The following CCDC178 variants were observed in gnomAD, a reference collection of about 807,000 sequenced individuals.
CCDC178 encodes the protein coiled-coil domain-containing protein 178.
A neutral mutation model predicts 117.4 loss-of-function variants in CCDC178; 126 were observed. The observed-to-expected ratio is 1.07, with a 90% CI of 0.93 to 1.24. The LOEUF is 1.24. Ranked by LOEUF, CCDC178 falls within the 50% of genes most tolerant of loss-of-function variation. The pLI, the probability that CCDC178 is intolerant of heterozygous loss-of-function variation, is 0.00. For missense variants in CCDC178, 1,030 were observed against 986.9 expected, an observed-to-expected ratio of 1.04 and a Z score of -0.59; for synonymous variants, 283 against 313.4, an observed-to-expected ratio of 0.90 and a Z score of 1.02.
At chr18:33,376,358 G>T (rs1328553281) in intron 5 of CCDC178, among the ~76,000 whole-genome samples, 3 of 152,136 alleles carry the variant, frequency 2.0e-5, no homozygotes, top group Non-Finnish European at 2.9e-5. Context: ...GTAACAAAAT[G>T]ATAAGAAAGT....
chr18:32,944,073 T>A (rs938905578), intron 22 of CCDC178, among the ~76,000 whole-genome samples: 1 of 152,162 alleles, frequency 6.6e-6, no homozygotes, highest in Non-Finnish European at 1.5e-5. Context: ...ACACATTTTT[T>A]TTTTCAGGGA....
At chr18:33,234,338 G>A (rs1339970485) in intron 15 of CCDC178, among the ~76,000 whole-genome samples, 11 of 152,042 alleles carry the variant, frequency 7.2e-5, no homozygotes, top group African/African-American at 1.2e-4. Flanking sequence ...ATGATTAATA[G>A]CAGATTCCTT....
At chr18:33,219,328 G>A (rs2059204002) in intron 18 of CCDC178, among the ~76,000 whole-genome samples, 1 of 152,042 alleles carries the variant, frequency 6.6e-6, no homozygotes, top group Admixed American at 6.6e-5. Context: ...ACTGTTGGTG[G>A]GACTGTAAAC....
intron 21 of CCDC178, among the ~76,000 whole-genome samples, chr18:33,089,164 C>T (rs948107926): frequency 1.3e-5 from 2 of 152,010 alleles, no homozygotes; most frequent in East Asian, 1.9e-4. Flanking sequence ...TAATCTATTT[C>T]AGTTGAGCAC....
At chr18:33,328,334 C>T (rs8087723) in intron 10 of CCDC178, among the ~76,000 whole-genome samples, 52,540 of 151,774 alleles carry the variant, frequency 0.35, 10,943 homozygotes, top group African/African-American at 0.57. Flanking sequence ...ATCTCTTGAC[C>T]TCGTGATCCG....
intron 21 of CCDC178, among the ~76,000 whole-genome samples, chr18:33,030,522 A>AAGATAGACAGATAGATAGATACATAGAT (rs377429836): frequency 1.5e-3 from 210 of 140,876 alleles, no homozygotes; most frequent in Non-Finnish European, 1.9e-3. Context: ...GAACTGATAG[A>AAGATAGACAGATAGATAGATACATAGAT]AGATAGATAG....
chr18:33,313,434 G>C (rs1020140782), intron 11 of CCDC178, among the ~76,000 whole-genome samples: 1 of 152,072 alleles, frequency 6.6e-6, no homozygotes, highest in African/African-American at 2.4e-5. Context: ...TTTTATCCCA[G>C]TTTTCTCTCA....
intron 16 of CCDC178, among the ~76,000 whole-genome samples, chr18:33,225,645 T>C (rs1381452025): frequency 6.6e-6 from 1 of 152,192 alleles, no homozygotes; most frequent in Non-Finnish European, 1.5e-5. Context: ...TCGTGGAATA[T>C]ATGCAAGTAC....
At chr18:33,128,419 A>T (rs1330444153) in intron 20 of CCDC178, among the ~76,000 whole-genome samples, 1 of 152,198 alleles carries the variant, frequency 6.6e-6, no homozygotes, top group African/African-American at 2.4e-5. Context: ...GAAACCTGGA[A>T]GAGTTTTATC....
intron 11 of CCDC178, among the ~76,000 whole-genome samples, chr18:33,297,188 G>T (rs1042201240): frequency 8.6e-5 from 13 of 151,914 alleles, no homozygotes; most frequent in Admixed American, 7.9e-4. Flanking sequence ...CACATAAAAA[G>T]AAGTATTAAG....
chr18:33,122,416 G>A (rs936284496), intron 20 of CCDC178, among the ~76,000 whole-genome samples: 1 of 152,024 alleles, frequency 6.6e-6, no homozygotes, highest in Non-Finnish European at 1.5e-5. Context: ...GAAATTATTG[G>A]TGCAGAATTT....
chr18:33,316,285 C>A (rs2062415106), intron 11 of CCDC178, among the ~76,000 whole-genome samples: 1 of 152,208 alleles, frequency 6.6e-6, no homozygotes, highest in South Asian at 2.1e-4. Flanking sequence ...AGCGCGAGTT[C>A]CGTGGGTGTG....
At chr18:32,969,659 T>C (rs2054885801) in intron 22 of CCDC178, among the ~76,000 whole-genome samples, 1 of 152,028 alleles carries the variant, frequency 6.6e-6, no homozygotes, top group Non-Finnish European at 1.5e-5. Flanking sequence ...CTCTCTAGTG[T>C]GTCAATATGA....
intron 21 of CCDC178, among the ~76,000 whole-genome samples, chr18:33,063,320 C>T (rs915677092): frequency 6.6e-6 from 1 of 152,152 alleles, no homozygotes; most frequent in African/African-American, 2.4e-5. Context: ...TTCTGCCTAC[C>T]GCTGCTAGCA....
intron 12 of CCDC178, among the ~76,000 whole-genome samples, chr18:33,278,347 AT>A (rs2059979144): frequency 6.7e-6 from 1 of 149,206 alleles, no homozygotes; most frequent in African/African-American, 2.5e-5. Context: ...CAAATCCATC[AT>A]TTTTTAAGAG....
At chr18:32,997,620 A>G (rs1376911807) in intron 21 of CCDC178, among the ~76,000 whole-genome samples, 1 of 151,944 alleles carries the variant, frequency 6.6e-6, no homozygotes, top group African/African-American at 2.4e-5. Context: ...GTGTGTGTGT[A>G]AAGAGTGTAG....
At chr18:33,331,596 C>T (rs190878884) in intron 10 of CCDC178, among the ~76,000 whole-genome samples, 5 of 152,220 alleles carry the variant, frequency 3.3e-5, no homozygotes, top group African/African-American at 9.6e-5. Flanking sequence ...CAGCCAATAA[C>T]TCCTACCTAC....
chr18:33,089,351 G>A (rs1312066659), intron 21 of CCDC178, among the ~76,000 whole-genome samples: 2 of 152,140 alleles, frequency 1.3e-5, no homozygotes, highest in African/African-American at 2.4e-5. Flanking sequence ...CTCTACTTGA[G>A]CAATCTTGTG....
Position 32,983,251 on chromosome 18 carries a change from T to C in CCDC178, c.2389-8570A>G, listed in dbSNP as rs1568197122. 3.2e-6 allele frequency: 4 copies of C among 1,249,542 alleles called. No individual in the cohort carries two copies. In the African/African-American group the frequency reaches 6.0e-5, roughly 19 times the overall value. 77.4% of individuals were successfully genotyped at this position (1,249,542 alleles called of 1,614,324 possible). ...TTACAGTATTTCTGAAAGATGCACG[T>C]GTATGCATGGATTAATTCATCACAG... On this transcript the variant is annotated intron_variant, in intron 21 of 22. Coordinates refer to ENST00000383096, the MANE Select transcript of CCDC178 (RefSeq NM_001105528.4).
Sources: allele counts gnomAD v4.1 joint callset (sites outside exome capture counted in the v4.1 genomes callset), GRCh38; gene constraint gnomAD v4.1.1; transcripts MANE v1.5; gene names NCBI Gene and HGNC (gene_info 2026-07-23, HGNC 2026-07-21).